Variants in DOCK8 observed in about 807,000 individuals in gnomAD.
The protein encoded by DOCK8 is dedicator of cytokinesis 8.
A neutral mutation model predicts 245.6 loss-of-function variants in DOCK8; 141 were observed. That is an observed-to-expected ratio of 0.57 (90% confidence interval 0.50 to 0.66). The LOEUF (loss-of-function observed/expected upper bound fraction) is 0.66, where lower values mean the gene tolerates loss of function less well. Among genes scored for constraint, DOCK8 ranks in the 30% least tolerant of loss-of-function variants. The probability of loss-of-function intolerance (pLI) is 0.00; values close to 1 mark genes in which losing one functional copy is unlikely to be tolerated. For synonymous variants in DOCK8, 1,168 were observed against 970.2 expected, an observed-to-expected ratio of 1.20 and a Z score of -3.79; for missense variants, 2,965 against 2,603.4, an observed-to-expected ratio of 1.14 and a Z score of -3.02.
intron 26 of DOCK8, among the ~76,000 whole-genome samples, chr9:404,098 G>A (rs182309741): frequency 6.6e-6 from 1 of 150,926 alleles, no homozygotes; most frequent in South Asian, 2.1e-4. Flanking sequence ...GTGCTGGGGT[G>A]GGGGGTGATA....
intron 36 of DOCK8, among the ~76,000 whole-genome samples, chr9:431,696 G>A (rs10758581): frequency 0.7 from 105,637 of 151,932 alleles, 38,125 homozygotes; most frequent in East Asian, 0.98. Context: ...TTTAGTAGAG[G>A]CGGGGTTTTG....
chr9:368,933 A>C (rs2053153654), intron 15 of DOCK8: 1 of 149,880 alleles, frequency 6.7e-6, no homozygotes, highest in Non-Finnish European at 1.5e-5. Flanking sequence ...CAGCCTTCCA[A>C]GTAGCTGGGA....
chr9:418,585 A>G (rs747922954), intron 30 of DOCK8, among the ~76,000 whole-genome samples: 2 of 152,134 alleles, frequency 1.3e-5, no homozygotes, highest in Non-Finnish European at 2.9e-5. Flanking sequence ...TCATCTTCTG[A>G]TGGGAGAACT....
rs1170558578 is a variant in DOCK8, at chr9:404,979, T to A, written c.3296T>A (p.Ile1099Asn). 1 of 1,614,116 alleles carries A rather than the reference T, an allele frequency of 6.2e-7. No individual in the cohort carries two copies. The highest frequency in any genetic ancestry group is 2.2e-5 in the East Asian group (1 of 44,872). ...LISMRLEFLR[I>N]LCSHEHYLNL... ...TCCATGAGGCTAGAGTTCCTGAGAA[T>A]CCTCTGTAGCCATGAGCATTACCTC... The change falls in exon 27 of 48, where the codon ATC becomes AAC. Residue 1099 changes from isoleucine to asparagine, a missense_variant. Coordinates refer to ENST00000432829, the MANE Select transcript of DOCK8 (RefSeq NM_203447.4).
At chr9:415,641 T>C (rs2055962215) in intron 29 of DOCK8, among the ~76,000 whole-genome samples, 1 of 151,368 alleles carries the variant, frequency 6.6e-6, no homozygotes, top group Non-Finnish European at 1.5e-5. Context: ...AGGCAGTCCA[T>C]TGGCCTACCC....
intron 38 of DOCK8, among the ~76,000 whole-genome samples, chr9:434,285 A>G (rs1199335430): frequency 1.3e-5 from 2 of 152,226 alleles, no homozygotes; most frequent in Non-Finnish European, 2.9e-5. Context: ...ATTATTTTCC[A>G]TATGCTTTTG....
In DOCK8 at chr9:297,120, AAAG is replaced by A. The variant is rs1376976669; in HGVS notation, c.405-7456_405-7454del. On this transcript the variant is annotated intron_variant, in intron 4 of 47. Coordinates refer to ENST00000432829, the MANE Select transcript of DOCK8 (RefSeq NM_203447.4). ...CAGGAAGGGAGAGAAGGGAAAGGAG[AAAG>A]AAGATGTGAAAGGAAAGAGAGGGTA... 3.3e-5 allele frequency among the ~76,000 whole-genome samples: 5 copies of A among 152,282 alleles called. No individual in the cohort carries two copies. In the South Asian group the frequency reaches 1.0e-3, roughly 32 times the overall value.
intron 8 of DOCK8, among the ~76,000 whole-genome samples, chr9:326,009 A>G (rs2050751114): frequency 6.6e-6 from 1 of 152,228 alleles, no homozygotes; most frequent in Admixed American, 6.5e-5. Flanking sequence ...GGTTATGTAT[A>G]AAACAAACCC....
chr9:236,649 T>A (rs1236248705), intron 1 of DOCK8, among the ~76,000 whole-genome samples: 2 of 152,206 alleles, frequency 1.3e-5, no homozygotes, highest in East Asian at 3.8e-4. Context: ...AGGTCCAGTA[T>A]TAATCAAGGT....
intron 10 of DOCK8, among the ~76,000 whole-genome samples, chr9:333,430 T>A (rs1224523102): frequency 6.6e-6 from 1 of 151,806 alleles, no homozygotes; most frequent in Non-Finnish European, 1.5e-5. Flanking sequence ...TGAAACCCCG[T>A]CTCTGCTAAA....
At chr9:214,583 G>C, upstream of DOCK8, 5 of 1,614,062 alleles carry the variant, frequency 3.1e-6, no homozygotes, top group African/African-American at 1.3e-5. Context: ...TTCCCTGGCA[G>C]CCTCGCAGCT....
rs182460236 is a variant in DOCK8, at chr9:378,037, G to A, written c.2440+826G>A. 1.3e-5 allele frequency among the ~76,000 whole-genome samples: 2 copies of A among 152,236 alleles called. 1 individual carries two copies. The highest frequency in any genetic ancestry group is 1.3e-4 in the Admixed American group (2 of 15,292). On this transcript the variant is annotated intron_variant, in intron 20 of 47. Coordinates refer to ENST00000432829, the MANE Select transcript of DOCK8 (RefSeq NM_203447.4). ...GACGTCTTTTGGGTACCATCCATATGCCCAGTACTGTACTAAAAGTTGTAG... is the reference window on the plus strand; with the variant it reads ...GACGTCTTTTGGGTACCATCCATATACCCAGTACTGTACTAAAAGTTGTAG...
chr9:348,631 A>C (rs1448825019), intron 14 of DOCK8, among the ~76,000 whole-genome samples: 1 of 152,110 alleles, frequency 6.6e-6, no homozygotes, highest in African/African-American at 2.4e-5. Flanking sequence ...CTTGCATTTG[A>C]CTCTGATCTT....
chr9:348,404 C>T (rs2052006817), intron 14 of DOCK8, among the ~76,000 whole-genome samples: 1 of 152,174 alleles, frequency 6.6e-6, no homozygotes, highest in Non-Finnish European at 1.5e-5. Context: ...ATTTTATACT[C>T]TTGAGTCCAC....
At chr9:439,711 G>C (rs1279303317) in intron 40 of DOCK8, among the ~76,000 whole-genome samples, 1 of 152,144 alleles carries the variant, frequency 6.6e-6, no homozygotes, top group Non-Finnish European at 1.5e-5. Flanking sequence ...GCCTGCCCAG[G>C]GTTACACAAT....
At chr9:285,713 T>C (rs2048794654) in intron 2 of DOCK8, among the ~76,000 whole-genome samples, 1 of 152,226 alleles carries the variant, frequency 6.6e-6, no homozygotes, top group African/African-American at 2.4e-5. Flanking sequence ...ATTTCTATTA[T>C]TTCTTTTACT....
chr9:348,469 C>T (rs546724989), intron 14 of DOCK8, among the ~76,000 whole-genome samples: 33 of 152,308 alleles, frequency 2.2e-4, no homozygotes, highest in African/African-American at 7.5e-4. Flanking sequence ...GTCCTGCGGT[C>T]GGTTTAACAG....
intron 4 of DOCK8, among the ~76,000 whole-genome samples, chr9:292,536 ATCTT>A (rs1250725733): frequency 1.0e-4 from 15 of 150,346 alleles, no homozygotes; most frequent in Admixed American, 3.3e-4. Flanking sequence ...TAGATTAGGC[ATCTT>A]TCTTCTATAT....
chr9:439,226 A>G lies in DOCK8; in HGVS notation c.5080-19A>G, dbSNP rs372122907. On this transcript the variant is annotated intron_variant, in intron 39 of 47. Coordinates refer to ENST00000432829, the MANE Select transcript of DOCK8 (RefSeq NM_203447.4). ...TCTGGTCGCCCTGTTCTCCAGGCTT[A>G]TACTGTGGTCTCTTTCAGAATATTT... 1.1e-5 allele frequency: 18 copies of G among 1,613,936 alleles called. No individual in the cohort carries two copies. Among genetic ancestry groups the G allele is most frequent in the Non-Finnish European group, 1.4e-5 (16 of 1,179,998 alleles).
Sources: gnomAD v4.1 joint callset for allele counts (sites outside exome capture counted in the v4.1 genomes callset) on GRCh38, gnomAD v4.1.1 for gene constraint, MANE v1.5 for transcripts, NCBI Gene and HGNC (gene_info 2026-07-23, HGNC 2026-07-21) for gene names.